The following GABRB1 variants were observed in gnomAD, a reference collection of about 807,000 sequenced individuals.
The protein encoded by GABRB1 is gamma-aminobutyric acid type A receptor subunit beta1, also known as gamma-aminobutyric acid receptor subunit beta-1.
GABRB1 carries 17 observed loss-of-function variants against 51.6 expected under a neutral mutation model. The ratio of observed to expected loss-of-function variants is 0.33; its 90% confidence interval spans 0.23 to 0.49. The LOEUF is 0.49. GABRB1 is among the 20% of genes least tolerant of loss of function. The pLI, the probability that GABRB1 is intolerant of heterozygous loss-of-function variation, is 0.99. For synonymous variants in GABRB1, 247 were observed against 218.9 expected (o/e 1.13, Z -1.14); for missense variants, 410 against 600.6 (o/e 0.68, Z 3.32).
intron 4 of GABRB1, among the ~76,000 whole-genome samples, chr4:47,225,733 A>T (rs76216437): frequency 2.9e-4 from 44 of 152,246 alleles, no homozygotes; most frequent in African/African-American, 1.0e-3. Flanking sequence ...TTATATGGCT[A>T]TCATTGCCTT....
intron 8 of GABRB1, among the ~76,000 whole-genome samples, chr4:47,422,218 C>T (rs1729112241): frequency 2.0e-5 from 3 of 150,960 alleles, no homozygotes; most frequent in Admixed American, 2.0e-4. Flanking sequence ...GCCTGTTATC[C>T]TTCCATATCT....
chr4:47,113,821 A>G (rs1208212851), intron 3 of GABRB1, among the ~76,000 whole-genome samples: 3 of 152,156 alleles, frequency 2.0e-5, no homozygotes, highest in Admixed American at 6.5e-5. Flanking sequence ...CTATTTTTCA[A>G]TTTATTCAGC....
chr4:47,163,586 T>C (rs1718052916), intron 4 of GABRB1, among the ~76,000 whole-genome samples: 1 of 151,854 alleles, frequency 6.6e-6, no homozygotes, highest in South Asian at 2.1e-4. Flanking sequence ...ACCTATTGAG[T>C]GCTATATTCA....
chr4:47,209,807 A>T (rs1219834376), intron 4 of GABRB1, among the ~76,000 whole-genome samples: 2 of 152,130 alleles, frequency 1.3e-5, no homozygotes. Flanking sequence ...AGTAAAAAAA[A>T]AAAAATGTAC....
chr4:47,101,294 G>A lies in GABRB1; in HGVS notation c.241-59955G>A, dbSNP rs555546888. ...ATTATTACAATAAAATCAAAAGTTG[G>A]TATGCAAGAATTGAATGTGTCAGAC... is the stretch of plus-strand genomic sequence containing the variant. On this transcript the variant is annotated intron_variant, in intron 3 of 8. Transcript: ENST00000295454. Among the ~76,000 whole-genome samples, 29 of 152,062 alleles carry A rather than the reference G, an allele frequency of 1.9e-4. 1 individual carries two copies. The South Asian group carries it at 6.0e-3, about 32-fold the overall frequency.
intron 4 of GABRB1, among the ~76,000 whole-genome samples, chr4:47,207,100 G>A (rs564331195): frequency 1.3e-5 from 2 of 151,874 alleles, no homozygotes; most frequent in Non-Finnish European, 2.9e-5. Context: ...TTTTTATGAA[G>A]AGACTATTAG....
chr4:47,368,945 T>C (rs1727088652), intron 5 of GABRB1, among the ~76,000 whole-genome samples: 1 of 151,950 alleles, frequency 6.6e-6, no homozygotes, highest in Non-Finnish European at 1.5e-5. Flanking sequence ...CCGTCTCTAC[T>C]AAACATACAA....
chr4:47,196,929 T>C (rs916305003), intron 4 of GABRB1, among the ~76,000 whole-genome samples: 4 of 152,254 alleles, frequency 2.6e-5, no homozygotes, highest in African/African-American at 9.6e-5. Flanking sequence ...TTGAAGGCAG[T>C]GCTCAAAATT....
chr4:47,021,410 A>C (rs1336614534), intron 1 of GABRB1, among the ~76,000 whole-genome samples: 1 of 152,134 alleles, frequency 6.6e-6, no homozygotes, highest in Non-Finnish European at 1.5e-5. Flanking sequence ...AACAGCTGTG[A>C]TACTCTGCCA....
chr4:47,202,171 G>A (rs562963274), intron 4 of GABRB1, among the ~76,000 whole-genome samples: 1 of 152,120 alleles, frequency 6.6e-6, no homozygotes. Flanking sequence ...TTTCCCCCAG[G>A]CTGTTCTCAT....
intron 3 of GABRB1, among the ~76,000 whole-genome samples, chr4:47,096,030 ATGGAGTTG>A (rs879831180): frequency 3.3e-4 from 50 of 152,260 alleles, no homozygotes; most frequent in Middle Eastern, 3.4e-3. Context: ...GACTTTTGTC[ATGGAGTTG>A]TGGAGTTGGA....
intron 5 of GABRB1, among the ~76,000 whole-genome samples, chr4:47,328,998 G>A (rs1725360302): frequency 6.6e-6 from 1 of 151,904 alleles, no homozygotes; most frequent in Non-Finnish European, 1.5e-5. Context: ...TGAGAAAATG[G>A]GAGGTTTGCA....
At chr4:47,300,618 C>A (rs555358424) in intron 4 of GABRB1, among the ~76,000 whole-genome samples, 11 of 151,736 alleles carry the variant, frequency 7.2e-5, no homozygotes, top group African/African-American at 2.7e-4. Flanking sequence ...AGGTAAAGAC[C>A]TTTTTAAATT....
At chr4:47,170,762 C>A (rs1013386424) in intron 4 of GABRB1, among the ~76,000 whole-genome samples, 2 of 152,000 alleles carry the variant, frequency 1.3e-5, no homozygotes, top group African/African-American at 4.8e-5. Flanking sequence ...AACAGCAGAC[C>A]GTACATAAAG....
In GABRB1 at chr4:47,406,689, G is replaced by A. The variant is rs759198088; in HGVS notation, c.843G>A (p.Thr281=). The part of the protein sequence containing the change: ...ASAARVALGI[T]TVLTMTTIST... Reference sequence around the variant, plus strand: ...TGTCTTTCTCTTTCACAGGAATCACGACAGTGCTTACAATGACAACCATCA... The same window carrying A: ...TGTCTTTCTCTTTCACAGGAATCACAACAGTGCTTACAATGACAACCATCA... Residue 281 remains threonine, a synonymous_variant, in exon 8 of 9, where the codon ACG becomes ACA. Coordinates refer to ENST00000295454, the MANE Select transcript of GABRB1 (RefSeq NM_000812.4). The A allele has an allele frequency of 1.1e-5, 18 of 1,614,144 alleles. No individual in the cohort carries two copies. Among genetic ancestry groups the A allele is most frequent in the East Asian group, 2.2e-5 (1 of 44,876 alleles).
chr4:47,382,687 G>A (rs1315097229), intron 5 of GABRB1, among the ~76,000 whole-genome samples: 2 of 152,126 alleles, frequency 1.3e-5, no homozygotes, highest in Admixed American at 6.5e-5. Context: ...CCAAGCCTGA[G>A]ATTGAGCAAT....
At chr4:47,063,699 C>T (rs1008350360) in intron 3 of GABRB1, among the ~76,000 whole-genome samples, 1 of 152,138 alleles carries the variant, frequency 6.6e-6, no homozygotes, top group Non-Finnish European at 1.5e-5. Flanking sequence ...GAGCTGCATA[C>T]TATGCAGCCA....
At chr4:47,156,776 A>C (rs1420673771) in intron 3 of GABRB1, among the ~76,000 whole-genome samples, 1 of 151,794 alleles carries the variant, frequency 6.6e-6, no homozygotes, top group Non-Finnish European at 1.5e-5. Flanking sequence ...TCTAAACCAG[A>C]CTGACCAACA....
intron 4 of GABRB1, among the ~76,000 whole-genome samples, chr4:47,233,189 T>C (rs1375787201): frequency 1.3e-5 from 2 of 152,194 alleles, no homozygotes; most frequent in African/African-American, 4.8e-5. Context: ...TAATCTTTTG[T>C]CTATGTTTTC....
Sources: gnomAD v4.1 joint callset for allele counts (sites outside exome capture counted in the v4.1 genomes callset) on GRCh38, gnomAD v4.1.1 for gene constraint, MANE v1.5 for transcripts, NCBI Gene and HGNC (gene_info 2026-07-23, HGNC 2026-07-21) for gene names.